CDC42BPB: variants seen among roughly 807,000 people sequenced by gnomAD.
CDC42BPB encodes serine/threonine-protein kinase MRCK beta.
Under a neutral mutation model 214.9 loss-of-function variants are expected in CDC42BPB, and 37 were observed. The observed-to-expected ratio is 0.17, with a 90% CI of 0.13 to 0.23. The LOEUF is 0.23. Ranked by LOEUF, CDC42BPB falls within the 10% of genes least tolerant of loss-of-function variation. The pLI is 1.00. For synonymous variants in CDC42BPB, 931 were observed against 884.0 expected (o/e 1.05, Z -0.94); for missense variants, 1,694 against 2,227.0 (o/e 0.76, Z 4.82).
At chr14:102,967,398 C>T in intron 16 of CDC42BPB, 4 of 976,776 alleles carry the variant, frequency 4.1e-6, no homozygotes, top group Non-Finnish European at 4.9e-6. Flanking sequence ...TGACTTCAGG[C>T]AATTGGCATC....
chr14:103,002,289 C>A (rs1490657491), intron 4 of CDC42BPB, among the ~76,000 whole-genome samples: 1 of 152,194 alleles, frequency 6.6e-6, no homozygotes, highest in East Asian at 1.9e-4. Flanking sequence ...GCTTCCAAGG[C>A]CTCGCCTTCG....
At chr14:102,983,970 G>A (rs566907607) in intron 6 of CDC42BPB, 33 of 857,600 alleles carry the variant, frequency 3.8e-5, no homozygotes, top group East Asian at 1.2e-4. Context: ...CCGGAGAACC[G>A]CTTGAGCCCA....
intron 1 of CDC42BPB, among the ~76,000 whole-genome samples, chr14:103,016,864 AGT>A (rs1886494349): frequency 6.6e-6 from 1 of 152,106 alleles, no homozygotes; most frequent in Non-Finnish European, 1.5e-5. Flanking sequence ...AAGCACACCC[AGT>A]GTGGACCATG....
intron 1 of CDC42BPB, among the ~76,000 whole-genome samples, chr14:103,021,671 C>T (rs1169496783): frequency 1.0e-5 from 1 of 100,192 alleles, no homozygotes; most frequent in South Asian, 4.2e-4. Flanking sequence ...CAAAGCAAGA[C>T]CTAGTCTCAA....
At position 102,940,341 on chromosome 14, in the gene CDC42BPB, A is replaced by G. The variant is rs1891836586; in HGVS notation, c.4409-17T>C. ...GGCTGCAACCTAGCGCAGACGGAGC[A>G]GGGCGGGGTGAGCCACAGTGGCTCA... On this transcript the variant is annotated splice_polypyrimidine_tract_variant and intron_variant, in intron 30 of 36. Transcript: ENST00000361246. 2 of 1,555,986 alleles carry G rather than the reference A, an allele frequency of 1.3e-6. No individual in the cohort carries two copies. The highest frequency in any genetic ancestry group is 8.7e-7 in the Non-Finnish European group (1 of 1,150,058).
At chr14:102,987,544 T>C (rs187937379) in intron 5 of CDC42BPB, among the ~76,000 whole-genome samples, 126 of 152,258 alleles carry the variant, frequency 8.3e-4, no homozygotes, top group Non-Finnish European at 1.5e-3. Context: ...ACTCGTGTGA[T>C]AGACACCACA....
rs201796241 is a variant in CDC42BPB at position 103,034,636 on chromosome 14, T to C, written c.175+22363A>G. ...GAGTTCGAGACCAACCTGGCCAACA[T>C]GGGGAAACCCCATCTCTACTGAAAA... On this transcript the variant is annotated intron_variant, in intron 1 of 36. Coordinates refer to ENST00000361246, the MANE Select transcript of CDC42BPB (RefSeq NM_006035.4). Among the ~76,000 whole-genome samples, 20 of 152,118 alleles carry C rather than the reference T, an allele frequency of 1.3e-4. No homozygotes were observed. In the East Asian group the frequency reaches 2.5e-3, roughly 19 times the overall value.
intron 8 of CDC42BPB, among the ~76,000 whole-genome samples, chr14:102,979,291 C>T (rs1893894330): frequency 6.6e-6 from 1 of 151,598 alleles, no homozygotes; most frequent in South Asian, 2.1e-4. Flanking sequence ...TCAGGCACTG[C>T]AACTTCCACC....
intron 5 of CDC42BPB, among the ~76,000 whole-genome samples, chr14:102,995,797 G>A (rs1362369122): frequency 6.6e-6 from 1 of 152,206 alleles, no homozygotes; most frequent in East Asian, 1.9e-4. Context: ...TGGCCACACC[G>A]TAACATCGGC....
chr14:102,947,656 G>C (rs1892244661), intron 27 of CDC42BPB, 65 bp downstream of exon 27: 2 of 1,377,834 alleles, frequency 1.5e-6, no homozygotes, highest in Non-Finnish European at 1.0e-6. Flanking sequence ...GCAGCACAAT[G>C]ACATGCCTAG....
chr14:102,967,450 A>T, intron 16 of CDC42BPB: 3 of 647,484 alleles, frequency 4.6e-6, no homozygotes, highest in Non-Finnish European at 5.8e-6. Context: ...GACCAAACAC[A>T]TGACTCCATT....
intron 5 of CDC42BPB, among the ~76,000 whole-genome samples, chr14:102,994,370 ATTTTT>A (rs58120592): frequency 2.0e-5 from 3 of 148,264 alleles, no homozygotes; most frequent in South Asian, 4.2e-4. Context: ...GTGGTGGTTG[ATTTTT>A]TTTTTTTAAG....
chr14:103,041,558 A>T (rs1427689084), intron 1 of CDC42BPB: 8 of 1,278,062 alleles, frequency 6.3e-6, no homozygotes, highest in Non-Finnish European at 7.8e-6. Flanking sequence ...GCCGGCCCGA[A>T]GATCCGCAGA....
At chr14:103,013,226 C>T (rs879779180) in intron 1 of CDC42BPB, among the ~76,000 whole-genome samples, 6 of 152,188 alleles carry the variant, frequency 3.9e-5, no homozygotes, top group East Asian at 3.8e-4. Context: ...GCAGGAGCCA[C>T]GGGGCAGCTC....
rs186031976 is a variant in CDC42BPB, at chr14:103,007,504, G to A, written c.351+968C>T. The stretch of plus-strand genomic sequence containing the variant: ...CCTCAAATTACTAGAAGGGTGAGAG[G>A]AGTAAGAGGAGAGGGTCTAGAAACC... On this transcript the variant is annotated intron_variant, in intron 3 of 36. Coordinates refer to ENST00000361246, the MANE Select transcript of CDC42BPB (RefSeq NM_006035.4). 7.2e-4 allele frequency among the ~76,000 whole-genome samples: 110 copies of A among 152,324 alleles called. 1 individual carries two copies. The highest frequency in any genetic ancestry group is 2.5e-3 in the African/African-American group (104 of 41,560).
At chr14:102,976,619 C>A (rs930939985) in intron 9 of CDC42BPB, among the ~76,000 whole-genome samples, 11 of 152,256 alleles carry the variant, frequency 7.2e-5, no homozygotes, top group African/African-American at 2.7e-4. Context: ...AATTCTTGGG[C>A]TGCTTTAGGA....
chr14:102,969,976 C>G (rs1213710046), intron 14 of CDC42BPB, among the ~76,000 whole-genome samples, 175 bp downstream of exon 14: 2 of 152,208 alleles, frequency 1.3e-5, no homozygotes, highest in African/African-American at 4.8e-5. Flanking sequence ...AAAATGAAAG[C>G]AGTCACGAAG....
At chr14:103,007,338 C>T (rs936949516) in intron 3 of CDC42BPB, among the ~76,000 whole-genome samples, 7 of 152,214 alleles carry the variant, frequency 4.6e-5, no homozygotes, top group South Asian at 2.1e-4. Flanking sequence ...CACGAGGAAC[C>T]GATAACACCC....
At chr14:102,954,140 GAATA>G (rs568428197) in intron 23 of CDC42BPB, 54 bp downstream of exon 23, 7 of 1,120,004 alleles carry the variant, frequency 6.2e-6, no homozygotes, top group Admixed American at 4.1e-5. Context: ...AAATAACTGA[GAATA>G]AATAAACAAC....
Sources: gnomAD v4.1 joint callset for allele counts (sites outside exome capture counted in the v4.1 genomes callset) on GRCh38, gnomAD v4.1.1 for gene constraint, MANE v1.5 for transcripts, NCBI Gene and HGNC (gene_info 2026-07-23, HGNC 2026-07-21) for gene names.